Variants in ODAD1 observed in about 807,000 individuals in gnomAD.
ODAD1 encodes outer dynein arm-docking complex subunit 1.
A neutral mutation model predicts 67.2 loss-of-function variants in ODAD1; 49 were observed. That is an observed-to-expected ratio of 0.73 (90% CI 0.58 to 0.92). The LOEUF (loss-of-function observed/expected upper bound fraction) is 0.92. Ranked by LOEUF, ODAD1 falls within the 40% of genes least tolerant of loss-of-function variation. The pLI is 0.00. For missense variants in ODAD1, 897 were observed against 953.7 expected, an observed-to-expected ratio of 0.94 and a Z score of 0.78; for synonymous variants, 345 against 393.7, an observed-to-expected ratio of 0.88 and a Z score of 1.46.
intron 5 of ODAD1, among the ~76,000 whole-genome samples, chr19:48,312,566 A>G (rs1222221860): frequency 6.6e-6 from 1 of 151,618 alleles, no homozygotes; most frequent in Non-Finnish European, 1.5e-5. Context: ...ACAGGCACGT[A>G]CCACCACACC....
intron 9 of ODAD1, 83 bp downstream of exon 9, chr19:48,303,870 C>T (rs949797286): frequency 6.3e-7 from 1 of 1,575,954 alleles, no homozygotes; most frequent in Non-Finnish European, 8.6e-7. Context: ...AAGTGTGGTC[C>T]CACCTGGGGC....
intron 8 of ODAD1, 76 bp downstream of exon 8, chr19:48,306,180 T>C (rs2098693213): frequency 4.5e-6 from 7 of 1,541,980 alleles, no homozygotes; most frequent in Non-Finnish European, 6.1e-6. Flanking sequence ...TCCTGAACCT[T>C]CCCATCACTG....
intron 3 of ODAD1, among the ~76,000 whole-genome samples, 162 bp from the exon 4 acceptor site, chr19:48,318,974 T>A (rs895852135): frequency 1.3e-5 from 2 of 152,030 alleles, no homozygotes; most frequent in African/African-American, 4.8e-5. Context: ...AGTTCCGGGA[T>A]CCCTCGAGCT....
intron 6 of ODAD1, 115 bp from the exon 7 acceptor site, chr19:48,311,781 A>T: frequency 1.2e-6 from 1 of 812,368 alleles, no homozygotes; most frequent in Non-Finnish European, 2.1e-6. Flanking sequence ...GTTTCCTGAG[A>T]AACAGAGGTT....
chr19:48,308,649 G>A (rs1051482526), intron 7 of ODAD1, among the ~76,000 whole-genome samples: 2 of 152,226 alleles, frequency 1.3e-5, no homozygotes, highest in African/African-American at 2.4e-5. Flanking sequence ...CCATGGAGCC[G>A]GTAGGAGCCC....
rs778146130 is a variant in ODAD1 at position 48,297,993 on chromosome 19, G to A, written c.1502+7C>T. The A allele has an allele frequency of 2.6e-5, 41 of 1,606,368 alleles. No individual in the cohort carries two copies. In the East Asian group the frequency reaches 4.2e-4, roughly 17 times the overall value. Reference sequence around the variant, plus strand: ...CCCCTCTGCGTCCCTCCTGCCCTGCGCCTCACAGAGTGTCAGGGGGCTGAA... The same window carrying A: ...CCCCTCTGCGTCCCTCCTGCCCTGCACCTCACAGAGTGTCAGGGGGCTGAA... On this transcript the variant is annotated splice_region_variant and intron_variant, in intron 14 of 15. Transcript: ENST00000674294.
intron 7 of ODAD1, among the ~76,000 whole-genome samples, chr19:48,309,428 C>A (rs1434141684): frequency 6.6e-6 from 1 of 152,186 alleles, no homozygotes; most frequent in Non-Finnish European, 1.5e-5. Flanking sequence ...AACAATCTGC[C>A]TGCGGAGAGG....
intron 10 of ODAD1, 120 bp downstream of exon 10, chr19:48,303,530 G>T: frequency 7.8e-7 from 1 of 1,284,960 alleles, no homozygotes; most frequent in Non-Finnish European, 1.1e-6. Flanking sequence ...CAGGCATGAC[G>T]CCTTGTTCCT....
intron 12 of ODAD1, among the ~76,000 whole-genome samples, chr19:48,299,652 A>C (rs1438756148): frequency 1.3e-5 from 2 of 151,338 alleles, no homozygotes; most frequent in African/African-American, 4.9e-5. Context: ...AAAATACAAA[A>C]ATTAGCTGGG....
rs949996465 is a variant in ODAD1 at position 48,298,404 on chromosome 19, C to G, written c.1241-64G>C. 55 of 1,536,380 alleles carry G rather than the reference C, an allele frequency of 3.6e-5. 1 individual carries two copies. The East Asian group carries it at 6.5e-4, about 18-fold the overall frequency. On this transcript the variant is annotated intron_variant, in intron 12 of 15. Coordinates refer to ENST00000674294, the MANE Select transcript of ODAD1 (RefSeq NM_001364171.2). ...GCCAGCTGGGTGCCAGCCCTCTCCCCACTCAGGTCCTCACTGCCCCATTCT... is the reference window on the plus strand; with the variant it reads ...GCCAGCTGGGTGCCAGCCCTCTCCCGACTCAGGTCCTCACTGCCCCATTCT...
chr19:48,312,399 CG>C (rs1968785324), intron 5 of ODAD1, among the ~76,000 whole-genome samples: 3 of 120,412 alleles, frequency 2.5e-5, no homozygotes, highest in South Asian at 5.7e-4. Flanking sequence ...GACTCCTTTC[CG>C]TTTTTTTTTT....
At chr19:48,302,983 G>A in intron 11 of ODAD1, 30 bp downstream of exon 11, 2 of 1,608,068 alleles carry the variant, frequency 1.2e-6, no homozygotes, top group Non-Finnish European at 1.7e-6. Context: ...GGGAGGAGAG[G>A]AGGAGATGGA....
At chr19:48,310,927 A>T (rs1968742185) in intron 7 of ODAD1, among the ~76,000 whole-genome samples, 1 of 151,056 alleles carries the variant, frequency 6.6e-6, no homozygotes, top group Admixed American at 6.6e-5. Context: ...AAAAAAAAAA[A>T]ATCGGCCGGG....
Position 48,302,869 on chromosome 19 carries a change from G to A in ODAD1, c.1072-7C>T, listed in dbSNP as rs1600860434. 5.0e-6 allele frequency: 8 copies of A among 1,613,892 alleles called. No homozygotes were observed. The highest frequency in any genetic ancestry group is 5.9e-6 in the Non-Finnish European group (7 of 1,179,912). On this transcript the variant is annotated splice_region_variant and splice_polypyrimidine_tract_variant and intron_variant, in intron 11 of 15. Transcript: ENST00000674294. The stretch of plus-strand genomic sequence containing the variant: ...TCACCAAAGCCTCCTGCATCTGTGG[G>A]GACAGGGCTGAATGCTGGGCCAGAT...
rs761423492 is a variant in ODAD1 at position 48,302,774 on chromosome 19, A to G, written c.1160T>C (p.Met387Thr). 3.7e-6 allele frequency: 6 copies of G among 1,613,846 alleles called. No individual in the cohort carries two copies. The highest frequency in any genetic ancestry group is 5.1e-6 in the Non-Finnish European group (6 of 1,180,042). ...EQQQKVLQQR[M>T]DKVHSEAERL... ...CTCAGCCTCCGAGTGCACCTTGTCC[A>G]TGCGCTGCTGCAACACCTTCTGCTG... is the stretch of plus-strand genomic sequence containing the variant. The change falls in exon 12 of 16, where the codon ATG becomes ACG. Residue 387 changes from methionine to threonine, a missense_variant. Met to Thr is a moderately conservative substitution (Grantham distance 81, BLOSUM62 -1). Transcript: ENST00000674294.
Position 48,297,056 on chromosome 19 carries a change from T to C in ODAD1, c.2044A>G (p.Ser682Gly). Reference sequence around the variant, plus strand: ...CCGGTGCTGGAGACGTGGTCTCTGCTGGACCCGAGGCCTCCGCTCGAATCA... The same window carrying C: ...CCGGTGCTGGAGACGTGGTCTCTGCCGGACCCGAGGCCTCCGCTCGAATCA... ...ASDSSGGLGS[S>G]RDHVSSTGPA... is the part of the protein sequence containing the mutation. Residue 682 changes from serine (S) to glycine (G), a missense_variant, in exon 16 of 16, where the codon AGC (serine) becomes GGC (glycine). By Grantham distance (56) the Ser-to-Gly change is moderately conservative (BLOSUM62 0). Coordinates refer to ENST00000674294, the MANE Select transcript of ODAD1 (RefSeq NM_001364171.2). The C allele has an allele frequency of 3.1e-6, 5 of 1,612,922 alleles. No homozygotes were observed. The highest frequency in any genetic ancestry group is 4.2e-6 in the Non-Finnish European group (5 of 1,179,600).
intron 7 of ODAD1, among the ~76,000 whole-genome samples, chr19:48,310,326 GA>G (rs2147326136): frequency 6.6e-6 from 1 of 151,974 alleles, no homozygotes; most frequent in South Asian, 2.1e-4. Flanking sequence ...ACGTCATGGA[GA>G]AAAAAAAGCC....
rs115124604 is a variant in ODAD1, at chr19:48,297,428, C to T, written c.1672G>A (p.Ala558Thr). Reference protein sequence around the residue: ...KLDGTLSVDLASTQRAGSSTV... With the variant: ...KLDGTLSVDLTSTQRAGSSTV... ...CTGGAGCCGGCCCTCTGGGTGCTGG[C>T]CAGGTCCACGCTCAGGGTGCCGTCC... is the stretch of plus-strand genomic sequence containing the variant. Residue 558 changes from alanine to threonine, a missense_variant, in exon 16 of 16, where the codon GCC (alanine) becomes ACC (threonine). By Grantham distance (58) the Ala-to-Thr change is moderately conservative. Transcript: ENST00000674294. The T allele has an allele frequency of 1.6e-3, 2,532 of 1,604,192 alleles. 41 individuals carry two copies. In the African/African-American group the frequency reaches 0.029, roughly 18 times the overall value.
chr19:48,303,513 C>A, intron 10 of ODAD1, 137 bp downstream of exon 10: 2 of 1,080,052 alleles, frequency 1.9e-6, no homozygotes, highest in Non-Finnish European at 2.7e-6. Context: ...ACGCGGGCGG[C>A]GGGTCCCAGG....
Sources: gnomAD v4.1 joint callset for allele counts (sites outside exome capture counted in the v4.1 genomes callset) on GRCh38, gnomAD v4.1.1 for gene constraint, MANE v1.5 for transcripts, NCBI Gene and HGNC (gene_info 2026-07-23, HGNC 2026-07-21) for gene names.